The following CSNK1G1 variants were observed in gnomAD, a reference collection of about 807,000 sequenced individuals.
CSNK1G1 encodes the protein casein kinase 1 gamma 1, also known as casein kinase I isoform gamma-1.
A neutral mutation model predicts 59.6 loss-of-function variants in CSNK1G1; 22 were observed. The ratio of observed to expected loss-of-function variants is 0.37; its 90% CI spans 0.26 to 0.53. The LOEUF is 0.53. CSNK1G1 is among the 20% of genes least tolerant of loss of function. The pLI is 0.89. For missense variants in CSNK1G1, 384 were observed against 519.5 expected, an observed-to-expected ratio of 0.74 and a Z score of 2.54; for synonymous variants, 179 against 177.1, an observed-to-expected ratio of 1.01 and a Z score of -0.08.
intron 4 of CSNK1G1, among the ~76,000 whole-genome samples, chr15:64,218,836 G>A (rs1355832681): frequency 1.3e-5 from 2 of 148,806 alleles, no homozygotes; most frequent in Non-Finnish European, 3.0e-5. Flanking sequence ...AAAGAGAAAA[G>A]GATTTAATTT....
At position 64,259,260 on chromosome 15, in the gene CSNK1G1, G is replaced by A; in HGVS notation, c.182-19C>T. 6.4e-7 allele frequency: 1 copy of A among 1,570,196 alleles called. No homozygotes were observed. The highest frequency in any genetic ancestry group is 8.7e-7 in the Non-Finnish European group (1 of 1,150,902). Reference sequence around the variant, plus strand: ...TTTTTACCTAAGAGGAAAGCAGAATGTATATGTTTTAGTGACATTTATTCT... The same window carrying A: ...TTTTTACCTAAGAGGAAAGCAGAATATATATGTTTTAGTGACATTTATTCT... On this transcript the variant is annotated intron_variant, in intron 2 of 11. Transcript: ENST00000303052.
chr15:64,340,624 A>C (rs1014113761), intron 1 of CSNK1G1, among the ~76,000 whole-genome samples: 4 of 152,192 alleles, frequency 2.6e-5, no homozygotes, highest in Non-Finnish European at 5.9e-5. Flanking sequence ...ACCTTGCAGC[A>C]AAGGGCTAAT....
chr15:64,306,121 T>C (rs1182173833), intron 1 of CSNK1G1, among the ~76,000 whole-genome samples: 3 of 152,172 alleles, frequency 2.0e-5, no homozygotes, highest in African/African-American at 7.2e-5. Context: ...GCATGATCAA[T>C]GAAAGAAGAA....
In CSNK1G1 at chr15:64,234,085, T is replaced by C. The variant is rs139042976; in HGVS notation, c.293-17372A>G. 6.5e-3 allele frequency among the ~76,000 whole-genome samples: 995 copies of C among 152,238 alleles called. 12 individuals are homozygous for C. Among genetic ancestry groups the C allele is most frequent in the African/African-American group, 0.019 (797 of 41,556 alleles). ...ATTTGTTCCATAAGATAGAGCTGGT[T>C]TTCATATACTGATCAGGTTCTTGCT... On this transcript the variant is annotated intron_variant, in intron 4 of 11. Coordinates refer to ENST00000303052, the MANE Select transcript of CSNK1G1 (RefSeq NM_022048.5).
At position 64,218,504 on chromosome 15, in the gene CSNK1G1, C is replaced by T. The variant is rs1227385682; in HGVS notation, c.293-1791G>A. On this transcript the variant is annotated intron_variant, in intron 4 of 11. Coordinates refer to ENST00000303052, the MANE Select transcript of CSNK1G1 (RefSeq NM_022048.5). ...GCCTCCTGGGTTCAAGCAATTCTTG[C>T]GCCTCAGCCTCCCAAGTAGCTGAGA... Among the ~76,000 whole-genome samples, 13 of 151,244 alleles carry T rather than the reference C, an allele frequency of 8.6e-5. No individual in the cohort carries two copies. In the South Asian group the frequency reaches 1.5e-3, roughly 17 times the overall value.
chr15:64,168,777 T>C lies in CSNK1G1; in HGVS notation c.*3154A>G, dbSNP rs2081631201. On this transcript the variant is annotated 3_prime_UTR_variant, in exon 12 of 12. Coordinates refer to ENST00000303052, the MANE Select transcript of CSNK1G1 (RefSeq NM_022048.5). ...AGTAGGGTTGAGGAGGGAGCCCTGA[T>C]TCGCTGATGGGCCTGAAACAAATGG... 1 of 152,162 alleles carries C rather than the reference T, an allele frequency of 6.6e-6. No individual in the cohort carries two copies. Among genetic ancestry groups the C allele is most frequent in the South Asian group, 2.1e-4 (1 of 4,832 alleles). 9.4% of individuals were successfully genotyped at this position (152,162 alleles called of 1,614,324 possible).
At chr15:64,236,158 A>G (rs573126678) in intron 4 of CSNK1G1, among the ~76,000 whole-genome samples, 6 of 151,358 alleles carry the variant, frequency 4.0e-5, no homozygotes, top group East Asian at 1.9e-4. Context: ...AAAAAAAAAA[A>G]AAAGAAAAGA....
chr15:64,180,269 C>G (rs945440385), intron 11 of CSNK1G1, 79 bp downstream of exon 11: 26 of 1,033,204 alleles, frequency 2.5e-5, no homozygotes, highest in Admixed American at 1.1e-4. Context: ...CAGTCTGAGA[C>G]GAGCAGCACA....
chr15:64,344,176 C>G (rs1347056097), intron 1 of CSNK1G1, among the ~76,000 whole-genome samples: 1 of 152,100 alleles, frequency 6.6e-6, no homozygotes, highest in Non-Finnish European at 1.5e-5. Context: ...AAGACTGTTT[C>G]AAAACAGTTA....
At chr15:64,313,862 G>A (rs1371704569) in intron 1 of CSNK1G1, among the ~76,000 whole-genome samples, 1 of 86,876 alleles carries the variant, frequency 1.2e-5, no homozygotes, top group Non-Finnish European at 2.3e-5. Flanking sequence ...AAGGTTGTAG[G>A]TATATGGCAA....
intron 4 of CSNK1G1, among the ~76,000 whole-genome samples, chr15:64,222,431 CACCACCAAAAAAA>C (rs1190147750): frequency 0.016 from 1,063 of 66,684 alleles, 16 homozygotes; most frequent in African/African-American, 0.078. Context: ...ACAACAACAA[CACCACCAAAAAAA>C]AAAAAAAAAA....
intron 11 of CSNK1G1, among the ~76,000 whole-genome samples, chr15:64,173,110 TATC>T (rs2081695553): frequency 6.6e-6 from 1 of 152,236 alleles, no homozygotes; most frequent in Non-Finnish European, 1.5e-5. Flanking sequence ...CTGAAAAAAC[TATC>T]TTTGAGTCTC....
chr15:64,316,091 G>A (rs1320987355), intron 1 of CSNK1G1, among the ~76,000 whole-genome samples: 1 of 152,064 alleles, frequency 6.6e-6, no homozygotes, highest in African/African-American at 2.4e-5. Context: ...CAGTAGCATG[G>A]TCAGAGCTCA....
intron 1 of CSNK1G1, among the ~76,000 whole-genome samples, chr15:64,343,608 T>G (rs1272396910): frequency 6.6e-6 from 1 of 152,038 alleles, no homozygotes; most frequent in Non-Finnish European, 1.5e-5. Context: ...TCACTGGATT[T>G]TCTCCCCTCT....
intron 7 of CSNK1G1, among the ~76,000 whole-genome samples, chr15:64,207,108 T>C (rs1257700696): frequency 6.6e-6 from 1 of 152,062 alleles, no homozygotes. Context: ...GAAAAGATCA[T>C]GGAAAATCCA....
intron 4 of CSNK1G1, among the ~76,000 whole-genome samples, chr15:64,234,363 G>T (rs2082588096): frequency 6.6e-6 from 1 of 152,146 alleles, no homozygotes; most frequent in Admixed American, 6.5e-5. Flanking sequence ...CACTCACACA[G>T]GAGCAGGTCC....
intron 11 of CSNK1G1, among the ~76,000 whole-genome samples, chr15:64,173,231 T>G (rs936872032): frequency 6.6e-6 from 1 of 152,252 alleles, no homozygotes; most frequent in Non-Finnish European, 1.5e-5. Context: ...ATTCCCTCTC[T>G]TTTTAGTTAG....
At chr15:64,202,210 C>T (rs1013141057) in intron 10 of CSNK1G1, among the ~76,000 whole-genome samples, 19 of 152,080 alleles carry the variant, frequency 1.2e-4, no homozygotes, top group African/African-American at 3.4e-4. Context: ...ATAATTTGCC[C>T]GGGTAGAAGA....
chr15:64,289,503 A>G (rs560318863), intron 2 of CSNK1G1, among the ~76,000 whole-genome samples: 1 of 152,330 alleles, frequency 6.6e-6, no homozygotes, highest in South Asian at 2.1e-4. Context: ...CTACGATACT[A>G]CTACAAACAA....
Sources: allele counts gnomAD v4.1 joint callset (sites outside exome capture counted in the v4.1 genomes callset), GRCh38; gene constraint gnomAD v4.1.1; transcripts MANE v1.5; gene names NCBI Gene and HGNC (gene_info 2026-07-23, HGNC 2026-07-21).